The following KLRG1 variants were observed in gnomAD, a reference collection of about 807,000 sequenced individuals.
KLRG1 encodes the protein killer cell lectin like receptor G1.
In KLRG1, 16 loss-of-function variants were observed where a neutral mutation model predicts 21.8. That is an observed-to-expected ratio of 0.73 (90% confidence interval 0.50 to 1.11). The LOEUF is 1.11. Among genes scored for constraint, KLRG1 ranks in the 50% most tolerant of loss-of-function variants. KLRG1 has a pLI of 0.00. For missense variants in KLRG1, 173 were observed against 218.3 expected, an observed-to-expected ratio of 0.79 and a Z score of 1.31; for synonymous variants, 69 against 75.9, an observed-to-expected ratio of 0.91 and a Z score of 0.47.
At chr12:8,975,509 C>T (rs938284667) in intron 1 of KLRG1, among the ~76,000 whole-genome samples, 1 of 151,980 alleles carries the variant, frequency 6.6e-6, no homozygotes, top group Non-Finnish European at 1.5e-5. Context: ...ATTGTAATGC[C>T]TCTTCATTCA....
chr12:9,149,528 A>G, the KLRG1 span: 1 of 1,598,938 alleles, frequency 6.3e-7, no homozygotes, highest in Non-Finnish European at 8.6e-7. Context: ...GGTTAATGCC[A>G]TCTAGTACTG....
chr12:8,990,194 T>G (rs1946927640), intron 1 of KLRG1: 1 of 152,288 alleles, frequency 6.6e-6, no homozygotes, highest in East Asian at 1.9e-4. Context: ...GTTTTGTTTT[T>G]TTTTTTTAAC....
At chr12:9,005,757 CTG>C (rs753945940) in intron 3 of KLRG1, among the ~76,000 whole-genome samples, 117 of 152,344 alleles carry the variant, frequency 7.7e-4, no homozygotes, top group Middle Eastern at 3.4e-3. Context: ...CAGGATGAAA[CTG>C]TTCCACCTCA....
At chr12:9,201,075 G>A in the KLRG1 span, 1 of 1,613,296 alleles carries the variant, frequency 6.2e-7, no homozygotes. Context: ...AGGGAAACAA[G>A]AAACATGGGC....
chr12:9,137,300 G>A, the KLRG1 span, among the ~76,000 whole-genome samples: 2 of 152,074 alleles, frequency 1.3e-5, no homozygotes, highest in Non-Finnish European at 2.9e-5. Context: ...ATTCCCCCTA[G>A]TGTATTCTTG....
the KLRG1 span, chr12:9,150,591 C>G: frequency 8.4e-7 from 1 of 1,188,052 alleles, no homozygotes; most frequent in Non-Finnish European, 1.2e-6. Flanking sequence ...ACTGTCACAA[C>G]AGGATCCATT....
the KLRG1 span, among the ~76,000 whole-genome samples, chr12:9,213,453 A>C: frequency 6.6e-6 from 1 of 152,108 alleles, no homozygotes; most frequent in South Asian, 2.1e-4. Flanking sequence ...CAGTGTATGA[A>C]CATCCCATTT....
chr12:9,209,565 A>G, the KLRG1 span, among the ~76,000 whole-genome samples: 29 of 152,202 alleles, frequency 1.9e-4, no homozygotes, highest in African/African-American at 6.3e-4. Flanking sequence ...AAAGATGGCA[A>G]TGGTAGTGCT....
At chr12:9,020,926 G>C in the KLRG1 span, among the ~76,000 whole-genome samples, 2 of 152,102 alleles carry the variant, frequency 1.3e-5, no homozygotes, top group African/African-American at 4.8e-5. Flanking sequence ...AGATGGAAGA[G>C]CCTACTACAT....
chr12:9,193,914 C>T, the KLRG1 span, among the ~76,000 whole-genome samples: 1 of 151,892 alleles, frequency 6.6e-6, no homozygotes, highest in African/African-American at 2.4e-5. Flanking sequence ...TTTTCTAATG[C>T]CTTTATTGTT....
chr12:9,200,740 C>G, the KLRG1 span: 1 of 841,190 alleles, frequency 1.2e-6, no homozygotes, highest in Non-Finnish European at 1.8e-6. Flanking sequence ...CTCTTATGAG[C>G]TTCTGTGTTC....
intron 3 of KLRG1, among the ~76,000 whole-genome samples, chr12:9,000,898 G>A (rs1396385463): frequency 6.6e-6 from 1 of 152,090 alleles, no homozygotes; most frequent in African/African-American, 2.4e-5. Flanking sequence ...TACGGAGCAG[G>A]GCTTACTGAC....
chr12:9,194,346 C>G, the KLRG1 span: 1 of 981,502 alleles, frequency 1.0e-6, no homozygotes, highest in Non-Finnish European at 1.5e-6. Context: ...ACCTCCCCCT[C>G]AAAAAAACCC....
At chr12:9,156,065 G>C in the KLRG1 span, 1 of 218,930 alleles carries the variant, frequency 4.6e-6, no homozygotes, top group Non-Finnish European at 9.4e-6. Context: ...AGATTAGAAA[G>C]AGTGTGCTTG....
chr12:9,098,839 T>G, the KLRG1 span: 1 of 1,489,920 alleles, frequency 6.7e-7, no homozygotes, highest in Non-Finnish European at 9.1e-7. Flanking sequence ...GTGTTCCTCA[T>G]GTACAATGTA....
the KLRG1 span, chr12:9,167,539 C>T: frequency 1.3e-5 from 2 of 152,120 alleles, no homozygotes; most frequent in African/African-American, 4.8e-5. Flanking sequence ...CTTCCGTTGC[C>T]CTCCCCCACC....
intron 3 of KLRG1, among the ~76,000 whole-genome samples, chr12:9,003,117 C>G (rs761603742): frequency 6.6e-6 from 1 of 152,068 alleles, no homozygotes; most frequent in Admixed American, 6.5e-5. Flanking sequence ...TTATATGGGT[C>G]TTGAGGGTAG....
the KLRG1 span, among the ~76,000 whole-genome samples, chr12:9,109,014 C>T: frequency 1.0e-4 from 15 of 143,114 alleles, no homozygotes; most frequent in Admixed American, 9.9e-4. Context: ...TACCCTTCAA[C>T]ACTATCCACC....
chr12:9,132,268 C>T, the KLRG1 span, among the ~76,000 whole-genome samples: 11 of 152,178 alleles, frequency 7.2e-5, no homozygotes, highest in Non-Finnish European at 1.3e-4. Flanking sequence ...TAAGCAGCTG[C>T]TAGTTGCTTT....
Sources: allele counts gnomAD v4.1 joint callset (sites outside exome capture counted in the v4.1 genomes callset), GRCh38; gene constraint gnomAD v4.1.1; transcripts MANE v1.5; gene names NCBI Gene and HGNC (gene_info 2026-07-23, HGNC 2026-07-21).